The following SYNE1 variants were observed in gnomAD, a reference collection of about 807,000 sequenced individuals.
SYNE1 encodes nesprin-1.
In SYNE1, 616 loss-of-function variants were observed where a neutral mutation model predicts 1,111.0. The ratio of observed to expected loss-of-function variants is 0.55; its 90% confidence interval spans 0.52 to 0.59. The LOEUF (loss-of-function observed/expected upper bound fraction) is 0.59. Ranked by LOEUF, SYNE1 falls within the 20% of genes least tolerant of loss-of-function variation. The pLI is 0.00. For missense variants in SYNE1, 10,006 were observed against 10,417.0 expected, an observed-to-expected ratio of 0.96 and a Z score of 1.72; for synonymous variants, 3,855 against 3,825.8, an observed-to-expected ratio of 1.01 and a Z score of -0.28.
intron 70 of SYNE1, 116 bp from the exon 71 acceptor site, chr6:152,350,886 T>G (rs2096730511): frequency 7.9e-7 from 1 of 1,270,956 alleles, no homozygotes; most frequent in Non-Finnish European, 1.1e-6. Context: ...TGTTCATATT[T>G]ATGAAGCAAT....
chr6:152,413,154 A>G (rs144492770), intron 42 of SYNE1, among the ~76,000 whole-genome samples, 198 bp downstream of exon 42: 2 of 152,258 alleles, frequency 1.3e-5, no homozygotes, highest in East Asian at 3.9e-4. Flanking sequence ...CCTGGCCTAT[A>G]ATTGTTATCT....
intron 82 of SYNE1, among the ~76,000 whole-genome samples, chr6:152,322,829 ATG>A (rs2095909683): frequency 6.6e-6 from 1 of 152,002 alleles, no homozygotes; most frequent in Non-Finnish European, 1.5e-5. Context: ...TTCTGAAGGG[ATG>A]CCTTCTTTGA....
At chr6:152,607,210 T>C (rs1414827838) in intron 3 of SYNE1, among the ~76,000 whole-genome samples, 1 of 151,128 alleles carries the variant, frequency 6.6e-6, no homozygotes, top group Non-Finnish European at 1.5e-5. Context: ...GGTTTCCATC[T>C]CCTGAGCTTT....
At chr6:152,430,329 A>C in intron 35 of SYNE1, 119 bp from the exon 36 acceptor site, 1 of 1,130,224 alleles carries the variant, frequency 8.8e-7, no homozygotes, top group Non-Finnish European at 1.3e-6. Flanking sequence ...TGTAATTATA[A>C]AATGCATTCT....
At chr6:152,282,008 G>A (rs1444419437) in intron 96 of SYNE1, 28 bp from the exon 97 acceptor site, 14 of 1,608,586 alleles carry the variant, frequency 8.7e-6, no homozygotes, top group Non-Finnish European at 1.1e-5. Context: ...AGGTAATATA[G>A]ATCACGCTAA....
intron 139 of SYNE1, among the ~76,000 whole-genome samples, chr6:152,140,978 T>A (rs2058405799): frequency 6.6e-6 from 1 of 152,094 alleles, no homozygotes; most frequent in Non-Finnish European, 1.5e-5. Context: ...GAACTTGCAG[T>A]GAGCCGAGAT....
intron 11 of SYNE1, among the ~76,000 whole-genome samples, chr6:152,498,224 T>C (rs996978192): frequency 6.6e-6 from 1 of 152,172 alleles, no homozygotes; most frequent in African/African-American, 2.4e-5. Flanking sequence ...TTCATAACCA[T>C]TCATTCTGCT....
intron 101 of SYNE1, among the ~76,000 whole-genome samples, chr6:152,259,844 C>T (rs1040326094): frequency 1.3e-5 from 2 of 151,894 alleles, no homozygotes; most frequent in African/African-American, 4.8e-5. Flanking sequence ...ATTGCTGAAA[C>T]AAAGCACTCA....
intron 127 of SYNE1, among the ~76,000 whole-genome samples, chr6:152,196,719 C>G (rs2074221258): frequency 6.6e-6 from 1 of 151,884 alleles, no homozygotes; most frequent in Admixed American, 6.6e-5. Flanking sequence ...TCTTTTGGAG[C>G]TGCAAGCTGT....
intron 9 of SYNE1, among the ~76,000 whole-genome samples, chr6:152,503,182 T>C (rs910392743): frequency 3.3e-5 from 5 of 152,116 alleles, no homozygotes; most frequent in Admixed American, 6.6e-5. Context: ...GAATGACATA[T>C]ATATATATAT....
intron 110 of SYNE1, 121 bp downstream of exon 110, chr6:152,235,986 T>C (rs1696029799): frequency 9.2e-7 from 1 of 1,088,294 alleles, no homozygotes; most frequent in Non-Finnish European, 1.4e-6. Context: ...CAAGCAGTCC[T>C]CCCGTATTGG....
At position 152,255,009 on chromosome 6, in the gene SYNE1, A is replaced by G; in HGVS notation, c.19341T>C (p.Asn6447=). Residue 6447 remains asparagine, a synonymous_variant, in exon 104 of 146, where the codon AAT becomes AAC. Transcript: ENST00000367255. ...CTTCAATAACATCTCGATTATCACC[A>G]TTCTCTGGAAAAGCTTGGGAAAACA... is the stretch of plus-strand genomic sequence containing the variant. ...KNLFSQAFPE[N]GDNRDVIEDT... is the part of the protein sequence containing the mutation. 6.2e-7 allele frequency: 1 copy of G among 1,613,820 alleles called. No individual in the cohort carries two copies. Among genetic ancestry groups the G allele is most frequent in the Non-Finnish European group, 8.5e-7 (1 of 1,179,838 alleles).
intron 63 of SYNE1, 35 bp downstream of exon 63, chr6:152,364,812 T>C (rs774865715): frequency 1.2e-6 from 2 of 1,613,828 alleles, no homozygotes; most frequent in East Asian, 2.2e-5. Flanking sequence ...CTTTTAGTAA[T>C]AGCTTCCCCA....
rs1226718938 is a variant in SYNE1 at position 152,281,867 on chromosome 6, G to A, written c.18321C>T (p.Asp6107=). Residue 6107 remains aspartate, a synonymous_variant, in exon 97 of 146, where the codon GAC becomes GAT. Transcript: ENST00000367255. ...GCTCCTTGGGTGGACTCAGCGCAGT[G>A]TCCAGAGTGGCCTTGGTACTCAAGA... The part of the protein sequence containing the change: ...SWLLSTKATL[D]TALSPPKEPM... 12 of 1,614,046 alleles carry A rather than the reference G, an allele frequency of 7.4e-6. No homozygotes were observed. The highest frequency in any genetic ancestry group is 1.0e-5 in the Non-Finnish European group (12 of 1,180,040).
At chr6:152,188,958 A>G (rs1289346927) in intron 128 of SYNE1, among the ~76,000 whole-genome samples, 1 of 51,790 alleles carries the variant, frequency 1.9e-5, no homozygotes, top group East Asian at 8.2e-4. Context: ...ACTCTGTCTC[A>G]AAAAAAAAAA....
At chr6:152,248,813 GTC>G (rs1475499053) in intron 105 of SYNE1, among the ~76,000 whole-genome samples, 1 of 152,114 alleles carries the variant, frequency 6.6e-6, no homozygotes, top group Non-Finnish European at 1.5e-5. Flanking sequence ...GGCCAGAAGG[GTC>G]TGAGTACCCA....
chr6:152,311,159 G>C, intron 87 of SYNE1: 1 of 462,782 alleles, frequency 2.2e-6, no homozygotes, highest in Non-Finnish European at 4.0e-6. Flanking sequence ...CTGCCCCCTC[G>C]TGAGAACAGG....
intron 127 of SYNE1, among the ~76,000 whole-genome samples, chr6:152,201,089 G>A (rs986703276): frequency 5.9e-5 from 9 of 152,162 alleles, no homozygotes; most frequent in Non-Finnish European, 1.0e-4. Context: ...GAACACAAGG[G>A]CATGTTTAAT....
chr6:152,457,115 A>G (rs1258543329), intron 22 of SYNE1, among the ~76,000 whole-genome samples: 1 of 152,180 alleles, frequency 6.6e-6, no homozygotes, highest in Non-Finnish European at 1.5e-5. Flanking sequence ...ATCCAATACA[A>G]TGAGAATGCA....
Sources: gnomAD v4.1 joint callset for allele counts (sites outside exome capture counted in the v4.1 genomes callset) on GRCh38, gnomAD v4.1.1 for gene constraint, MANE v1.5 for transcripts, NCBI Gene and HGNC (gene_info 2026-07-23, HGNC 2026-07-21) for gene names.